The following TBL1X variants were observed in gnomAD, a reference collection of about 807,000 sequenced individuals.
TBL1X encodes the protein F-box-like/WD repeat-containing protein TBL1X.
A neutral mutation model predicts 50.7 loss-of-function variants in TBL1X; 10 were observed. That is an observed-to-expected ratio of 0.20 (90% CI 0.12 to 0.33). TBL1X has a LOEUF of 0.33. Among genes scored for constraint, TBL1X ranks in the 10% least tolerant of loss-of-function variants. TBL1X has a pLI of 1.00. For synonymous variants in TBL1X, 190 were observed against 214.7 expected, an observed-to-expected ratio of 0.88 and a Z score of 1.01; for missense variants, 340 against 504.4, an observed-to-expected ratio of 0.67 and a Z score of 3.12.
chrX:9,516,423 G>A (rs1213269884), intron 2 of TBL1X, among the ~76,000 whole-genome samples: 6 of 111,915 alleles, frequency 5.4e-5, no homozygotes, highest in African/African-American at 6.5e-5. Context: ...GAAGATAAGC[G>A]AAAATACAGC....
chrX:9,602,510 G>A (rs2012652), intron 2 of TBL1X, among the ~76,000 whole-genome samples: 4 of 110,703 alleles, frequency 3.6e-5, no homozygotes, highest in South Asian at 3.9e-4. Flanking sequence ...AAGCTTTGTC[G>A]TGGGAGGTTG....
chrX:9,539,227 C>T (rs1360304321), intron 2 of TBL1X, among the ~76,000 whole-genome samples: 1 of 111,512 alleles, frequency 9.0e-6, no homozygotes, highest in Non-Finnish European at 1.9e-5. Context: ...CTATGAAGGT[C>T]GTAGGTACAA....
chrX:9,504,173 C>A (rs180819036), intron 2 of TBL1X, among the ~76,000 whole-genome samples: 11 of 111,370 alleles, frequency 9.9e-5, no homozygotes, highest in Middle Eastern at 4.7e-3. Context: ...AGGTGAACCA[C>A]CAGCAAACTG....
At chrX:9,589,453 A>C (rs2147029299) in intron 2 of TBL1X, among the ~76,000 whole-genome samples, 1 of 107,388 alleles carries the variant, frequency 9.3e-6, no homozygotes, top group East Asian at 3.0e-4. Flanking sequence ...ATTACACAAA[A>C]CCCGGTCTTG....
At chrX:9,569,905 G>C (rs889667610) in intron 2 of TBL1X, among the ~76,000 whole-genome samples, 1 of 112,153 alleles carries the variant, frequency 8.9e-6, no homozygotes, top group Non-Finnish European at 1.9e-5. Flanking sequence ...CAGCCTGGGC[G>C]TGAAGGATTT....
intron 2 of TBL1X, among the ~76,000 whole-genome samples, chrX:9,546,803 A>ATT (rs774181046): frequency 0.016 from 736 of 44,979 alleles, 98 homozygotes; most frequent in Admixed American, 0.04. Context: ...TTTATTCTTA[A>ATT]TTTTTTTTTT....
At chrX:9,565,216 G>A (rs1425188814) in intron 2 of TBL1X, among the ~76,000 whole-genome samples, 19 of 91,774 alleles carry the variant, frequency 2.1e-4, no homozygotes, top group African/African-American at 2.6e-4. Flanking sequence ...AGCTTGCAGT[G>A]AGCCAAGATG....
chrX:9,701,020 G>A (rs754345620), intron 12 of TBL1X, among the ~76,000 whole-genome samples: 7 of 110,383 alleles, frequency 6.3e-5, no homozygotes, highest in Admixed American at 2.9e-4. Context: ...GTTGTGTGCC[G>A]ATACAGTAGC....
chrX:9,498,681 C>A (rs1483435223), intron 1 of TBL1X, among the ~76,000 whole-genome samples: 1 of 112,527 alleles, frequency 8.9e-6, no homozygotes, highest in East Asian at 2.8e-4. Flanking sequence ...CCTGGCTACT[C>A]CTTGAGTTCA....
At chrX:9,492,826 T>C (rs2081951079) in intron 1 of TBL1X, among the ~76,000 whole-genome samples, 1 of 98,779 alleles carries the variant, frequency 1.0e-5, no homozygotes, top group Non-Finnish European at 2.0e-5. Flanking sequence ...ATTGTTGAGA[T>C]TGGGGCTAGA....
At chrX:9,704,383 G>A (rs934590788) in intron 12 of TBL1X, among the ~76,000 whole-genome samples, 7 of 112,009 alleles carry the variant, frequency 6.2e-5, no homozygotes, top group African/African-American at 2.3e-4. Context: ...AAGCAGCAAG[G>A]TACAGAGCAG....
At chrX:9,613,499 C>T (rs183780455) in intron 2 of TBL1X, among the ~76,000 whole-genome samples, 65 of 111,581 alleles carry the variant, frequency 5.8e-4, no homozygotes, top group African/African-American at 2.0e-3. Flanking sequence ...ACCTATAATA[C>T]CAGTCATGTA....
At chrX:9,472,607 A>T (rs1057154966) in intron 1 of TBL1X, among the ~76,000 whole-genome samples, 3 of 110,285 alleles carry the variant, frequency 2.7e-5, no homozygotes, top group African/African-American at 9.9e-5. Context: ...ATACTTTAAT[A>T]TGGCAAGACC....
intron 5 of TBL1X, among the ~76,000 whole-genome samples, chrX:9,671,448 T>C (rs1321354448): frequency 8.9e-6 from 1 of 112,946 alleles, no homozygotes; most frequent in East Asian, 2.8e-4. Context: ...AATAGGAGAA[T>C]ACAAGGCTAT....
At chrX:9,529,029 A>AT (rs1049764735) in intron 2 of TBL1X, among the ~76,000 whole-genome samples, 14 of 108,835 alleles carry the variant, frequency 1.3e-4, no homozygotes, top group Admixed American at 1.9e-4. Flanking sequence ...AAGTTTTCTG[A>AT]TTTTTTTTTT....
intron 2 of TBL1X, among the ~76,000 whole-genome samples, chrX:9,601,638 C>T (rs1419643860): frequency 8.9e-6 from 1 of 111,781 alleles, no homozygotes. Context: ...CCTCTGGCCA[C>T]TCAGGTGAGG....
intron 1 of TBL1X, among the ~76,000 whole-genome samples, chrX:9,490,440 G>T (rs2081935132): frequency 8.9e-6 from 1 of 112,080 alleles, no homozygotes; most frequent in African/African-American, 3.2e-5. Flanking sequence ...GACCCCAGGG[G>T]TTCCACTAAG....
chrX:9,474,850 G>C (rs943811045), intron 1 of TBL1X, among the ~76,000 whole-genome samples: 1 of 112,579 alleles, frequency 8.9e-6, no homozygotes, highest in African/African-American at 3.2e-5. Flanking sequence ...GTCCTAGGGT[G>C]CTTTAAATCT....
Position 9,593,102 on chromosome X carries a change from GT to G in TBL1X, c.-130-47170del, listed in dbSNP as rs756421154. On this transcript the variant is annotated intron_variant, in intron 2 of 17. Transcript: ENST00000645353. ...TGGAAGGGTGGAGAAAGGGAGTTGA[GT>G]AATAATGTTCACCTGGGGTCGGGCG... 1.3e-4 allele frequency among the ~76,000 whole-genome samples: 15 copies of G among 111,720 alleles called. No homozygotes were observed. The South Asian group carries it at 2.6e-3, about 20-fold the overall frequency.
Sources: gnomAD v4.1 joint callset for allele counts (sites outside exome capture counted in the v4.1 genomes callset) on GRCh38, gnomAD v4.1.1 for gene constraint, MANE v1.5 for transcripts, NCBI Gene and HGNC (gene_info 2026-07-23, HGNC 2026-07-21) for gene names.